CIT: variants seen among roughly 807,000 people sequenced by gnomAD.
CIT encodes the protein citron Rho-interacting kinase.
CIT carries 79 observed loss-of-function variants against 272.7 expected under a neutral mutation model. That is an observed-to-expected ratio of 0.29 (90% CI 0.24 to 0.35). The LOEUF is 0.35. Among genes scored for constraint, CIT ranks in the 10% least tolerant of loss-of-function variants. The pLI, the probability that CIT is intolerant of heterozygous loss-of-function variation, is 1.00. For missense variants in CIT, 1,909 were observed against 2,618.3 expected (o/e 0.73, Z 5.91); for synonymous variants, 948 against 995.6 (o/e 0.95, Z 0.90).
intron 5 of CIT, among the ~76,000 whole-genome samples, chr12:119,841,521 C>CA (rs953956151): frequency 6.6e-6 from 1 of 152,040 alleles, no homozygotes; most frequent in African/African-American, 2.4e-5. Flanking sequence ...ATTGTGCCCC[C>CA]AAATCCATCC....
At chr12:119,711,156 A>T in intron 37 of CIT, 1 of 1,309,086 alleles carries the variant, frequency 7.6e-7, no homozygotes, top group Non-Finnish European at 1.0e-6. Flanking sequence ...CCAACAAGTC[A>T]TCCAAACAGG....
At chr12:119,794,296 G>GAATGAATA (rs1566054589) in intron 10 of CIT, among the ~76,000 whole-genome samples, 1 of 152,122 alleles carries the variant, frequency 6.6e-6, no homozygotes, top group African/African-American at 2.4e-5. Flanking sequence ...ATGAATGAAT[G>GAATGAATA]AATAAATAAG....
chr12:119,749,118 C>T (rs1255728047), intron 23 of CIT, among the ~76,000 whole-genome samples: 7 of 152,322 alleles, frequency 4.6e-5, no homozygotes, highest in Non-Finnish European at 1.0e-4. Flanking sequence ...CCGCCAAGAC[C>T]CTTCAGTCGA....
At chr12:119,761,500 C>T (rs957527471) in intron 19 of CIT, among the ~76,000 whole-genome samples, 1 of 152,142 alleles carries the variant, frequency 6.6e-6, no homozygotes, top group Non-Finnish European at 1.5e-5. Flanking sequence ...CTAATTTATA[C>T]AGATTAATTC....
rs146100756 is a variant in CIT, at chr12:119,749,045, G to A, written c.2904+3005C>T. ...TGTTTCTGTTTAAATTTGACAGGAT[G>A]GGTGAAGTGAAAGTGGAGAAGAGGC... On this transcript the variant is annotated intron_variant, in intron 23 of 47. Coordinates refer to ENST00000392521, the MANE Select transcript of CIT (RefSeq NM_001206999.2). 3.7e-4 allele frequency among the ~76,000 whole-genome samples: 56 copies of A among 152,332 alleles called. No individual in the cohort carries two copies. In the East Asian group the frequency reaches 8.9e-3, roughly 24 times the overall value.
At chr12:119,797,348 G>A (rs1222374199) in intron 10 of CIT, among the ~76,000 whole-genome samples, 3 of 152,226 alleles carry the variant, frequency 2.0e-5, no homozygotes, top group Admixed American at 6.5e-5. Context: ...AGGCAGGCAC[G>A]CACAGTCTAA....
chr12:119,875,784 C>T (rs1301003514), intron 2 of CIT, among the ~76,000 whole-genome samples: 1 of 152,148 alleles, frequency 6.6e-6, no homozygotes. Context: ...GAGTTCGACC[C>T]TAGCCTGGCC....
chr12:119,735,925 GA>G (rs1318242135), intron 24 of CIT, among the ~76,000 whole-genome samples: 1 of 144,826 alleles, frequency 6.9e-6, no homozygotes, highest in African/African-American at 2.5e-5. Flanking sequence ...GAAAAACCCT[GA>G]AAATACAATA....
At chr12:119,849,741 A>G (rs1295994732) in intron 5 of CIT, among the ~76,000 whole-genome samples, 5 of 147,776 alleles carry the variant, frequency 3.4e-5, no homozygotes, top group Non-Finnish European at 7.4e-5. Context: ...GCTGGAGTGC[A>G]GTGGCGCAAT....
Position 119,746,080 on chromosome 12 carries a change from A to C in CIT, c.2905-3616T>G, listed in dbSNP as rs192607421. Among the ~76,000 whole-genome samples, 81 of 152,306 alleles carry C rather than the reference A, an allele frequency of 5.3e-4. 1 individual carries two copies. The highest frequency in any genetic ancestry group is 1.8e-3 in the African/African-American group (76 of 41,570). ...TATGTCAAAATCTCATCTGTGACCA[A>C]GCAGCAGCCTAGACCCAAGGACCAC... On this transcript the variant is annotated intron_variant, in intron 23 of 47. Transcript: ENST00000392521.
intron 4 of CIT, among the ~76,000 whole-genome samples, chr12:119,852,754 TTA>T (rs1698780837): frequency 6.6e-6 from 1 of 151,742 alleles, no homozygotes; most frequent in Non-Finnish European, 1.5e-5. Context: ...AATAAATAAA[TTA>T]TATATATGCA....
At chr12:119,826,592 G>C (rs1968180820) in intron 7 of CIT, among the ~76,000 whole-genome samples, 1 of 152,158 alleles carries the variant, frequency 6.6e-6, no homozygotes, top group Non-Finnish European at 1.5e-5. Context: ...CATGAAATTT[G>C]AAGTCTAAAG....
chr12:119,731,492 A>T (rs1593510845), intron 26 of CIT, among the ~76,000 whole-genome samples: 1 of 146,652 alleles, frequency 6.8e-6, no homozygotes, highest in Non-Finnish European at 1.5e-5. Flanking sequence ...AAAAAAAAAA[A>T]GAAAAAACAA....
At chr12:119,785,736 T>C (rs1964729116) in intron 10 of CIT, among the ~76,000 whole-genome samples, 1 of 152,062 alleles carries the variant, frequency 6.6e-6, no homozygotes, top group South Asian at 2.1e-4. Flanking sequence ...CTCGTGACCG[T>C]GCCTGACTAA....
chr12:119,720,474 T>C lies in CIT; in HGVS notation c.3840+4A>G. The stretch of plus-strand genomic sequence containing the variant: ...ATTCCCACTTTTCAAACACTTTGAC[T>C]CACCTTTTTCTTTTTAGCAGGTTGG... On this transcript the variant is annotated splice_donor_region_variant and intron_variant, in intron 30 of 47. Transcript: ENST00000392521. 4 of 1,602,028 alleles carry C rather than the reference T, an allele frequency of 2.5e-6. No individual in the cohort carries two copies. The highest frequency in any genetic ancestry group is 3.4e-6 in the Non-Finnish European group (4 of 1,172,834).
intron 41 of CIT, among the ~76,000 whole-genome samples, chr12:119,703,797 AG>A (rs901382811): frequency 6.6e-6 from 1 of 152,174 alleles, no homozygotes; most frequent in Non-Finnish European, 1.5e-5. Flanking sequence ...GGACACTCCG[AG>A]GTAGGGACAT....
rs778945077 is a variant in CIT, at chr12:119,713,426, G to A, written c.4487+42C>T. 1.3e-6 allele frequency: 2 copies of A among 1,569,960 alleles called. No individual in the cohort carries two copies. Among genetic ancestry groups the A allele is most frequent in the Non-Finnish European group, 1.7e-6 (2 of 1,161,534 alleles). On this transcript the variant is annotated intron_variant, in intron 34 of 47. Coordinates refer to ENST00000392521, the MANE Select transcript of CIT (RefSeq NM_001206999.2). The surrounding 1 kb of genome is among the most constrained non-coding windows in gnomAD (Gnocchi z 5.2). ...GAAAACATCAGGGACAGAGTGGCTT[G>A]TGCCAGCACCTGCTCCAGCCCAAGC... is the stretch of plus-strand genomic sequence containing the variant.
intron 32 of CIT, among the ~76,000 whole-genome samples, chr12:119,716,326 C>A (rs1228065469): frequency 4.8e-5 from 6 of 124,346 alleles, no homozygotes; most frequent in Non-Finnish European, 9.4e-5. Context: ...TGCAGTGAGC[C>A]AAGATCACAC....
At chr12:119,838,669 TTCATATAGCCATCACCTCTGCTGCTTATA>T (rs1421151775) in intron 5 of CIT, among the ~76,000 whole-genome samples, 2 of 152,296 alleles carry the variant, frequency 1.3e-5, no homozygotes, top group East Asian at 3.9e-4. Context: ...AAACGTGACT[TTCATATAGCCATCACCTCTGCTGCTTATA>T]TTTTTTTCAG....
Sources: allele counts gnomAD v4.1 joint callset (sites outside exome capture counted in the v4.1 genomes callset), GRCh38; gene constraint gnomAD v4.1.1; non-coding constraint Gnocchi (gnomAD v3.1); transcripts MANE v1.5; gene names NCBI Gene and HGNC (gene_info 2026-07-23, HGNC 2026-07-21).